Variants in PCLO observed in about 807,000 individuals in gnomAD.
PCLO encodes protein piccolo.
In PCLO, 82 loss-of-function variants were observed where a neutral mutation model predicts 427.5. The ratio of observed to expected loss-of-function variants is 0.19; its 90% CI spans 0.16 to 0.23. PCLO has a LOEUF of 0.23. Ranked by LOEUF, PCLO falls within the 10% of genes least tolerant of loss-of-function variation. The pLI, the probability that PCLO is intolerant of heterozygous loss-of-function variation, is 1.00. For missense variants in PCLO, 6,239 were observed against 6,115.9 expected (o/e 1.02, Z -0.67); for synonymous variants, 2,357 against 2,155.4 (o/e 1.09, Z -2.59).
At chr7:82,962,543 T>TC (rs1235451153) in intron 4 of PCLO, among the ~76,000 whole-genome samples, 1 of 152,046 alleles carries the variant, frequency 6.6e-6, no homozygotes, top group Admixed American at 6.6e-5. Context: ...CTTTACATAC[T>TC]CAGTTCATAA....
rs767113612 is a variant in PCLO at position 82,822,699 on chromosome 7, A to G, written c.14597-10T>C. On this transcript the variant is annotated splice_polypyrimidine_tract_variant and intron_variant, in intron 19 of 24. Coordinates refer to ENST00000333891, the MANE Select transcript of PCLO (RefSeq NM_033026.6). ...GTGGGAACCTGCATGTCTGGTCACA[A>G]AAGGGTAAAACATGAGTTAAAGTTG... is the stretch of plus-strand genomic sequence containing the variant. 6.2e-7 allele frequency: 1 copy of G among 1,611,082 alleles called. No homozygotes were observed. The highest frequency in any genetic ancestry group is 8.5e-7 in the Non-Finnish European group (1 of 1,179,068).
intron 9 of PCLO, among the ~76,000 whole-genome samples, chr7:82,886,037 G>T (rs139626493): frequency 2.7e-4 from 41 of 152,230 alleles, no homozygotes; most frequent in African/African-American, 9.6e-4. Context: ...AGAGAAGAGT[G>T]ATGGGAGAAG....
chr7:83,044,491 A>T (rs1432673006), intron 3 of PCLO, among the ~76,000 whole-genome samples: 1 of 152,176 alleles, frequency 6.6e-6, no homozygotes, highest in African/African-American at 2.4e-5. Context: ...ATTTAACAAG[A>T]ATTATTAAGT....
intron 2 of PCLO, among the ~76,000 whole-genome samples, chr7:83,149,793 A>G (rs1437455459): frequency 6.6e-6 from 1 of 152,232 alleles, no homozygotes; most frequent in Non-Finnish European, 1.5e-5. Context: ...TGGGCAGTTA[A>G]GCCATTTAAC....
At chr7:83,093,245 TTG>T (rs1665961564) in intron 3 of PCLO, among the ~76,000 whole-genome samples, 1 of 151,602 alleles carries the variant, frequency 6.6e-6, no homozygotes, top group Admixed American at 6.6e-5. Flanking sequence ...TCAATAAATG[TTG>T]TCTTAATGTA....
At chr7:82,774,691 A>G (rs1790713266) in intron 22 of PCLO, among the ~76,000 whole-genome samples, 1 of 152,166 alleles carries the variant, frequency 6.6e-6, no homozygotes, top group African/African-American at 2.4e-5. Context: ...CATTATAAAC[A>G]CTTTCCACCA....
At chr7:83,042,955 A>G (rs1369380870) in intron 3 of PCLO, among the ~76,000 whole-genome samples, 3 of 152,168 alleles carry the variant, frequency 2.0e-5, no homozygotes, top group Non-Finnish European at 2.9e-5. Context: ...CTGCCTCTCA[A>G]TGTTGTATTC....
At chr7:83,110,470 T>C (rs2116521037) in intron 3 of PCLO, among the ~76,000 whole-genome samples, 1 of 152,234 alleles carries the variant, frequency 6.6e-6, no homozygotes, top group Middle Eastern at 3.4e-3. Context: ...AATCGCTCAA[T>C]ATGCCATGTT....
Position 82,916,456 on chromosome 7 carries a change from G to A in PCLO, c.11530C>T (p.Pro3844Ser), listed in dbSNP as rs763837474. 7 of 1,613,724 alleles carry A rather than the reference G, an allele frequency of 4.3e-6. No individual in the cohort carries two copies. Among genetic ancestry groups the A allele is most frequent in the Non-Finnish European group, 5.9e-6 (7 of 1,179,778 alleles). ...CCATGCTGACTTTCTATTCGGGTTG[G>A]TCTTGTGCTACTCACTTCACTGTCA... Reference protein sequence around the residue: ...MSDSEVSSTRPTRIESQHGIE... With the variant: ...MSDSEVSSTRSTRIESQHGIE... Residue 3844 changes from proline (P) to serine (S), a missense_variant, in exon 7 of 25, where the codon CCA (proline) becomes TCA (serine). Physicochemically the swap from Pro to Ser is moderately conservative, Grantham distance 74. This residue lies in a region of PCLO where 680 missense variants were observed against 677.3 expected (regional missense o/e 1.00). Transcript: ENST00000333891.
chr7:82,993,673 AC>A (rs1796431156), intron 3 of PCLO, among the ~76,000 whole-genome samples: 1 of 152,106 alleles, frequency 6.6e-6, no homozygotes, highest in East Asian at 1.9e-4. Context: ...TGTAAACATA[AC>A]TTTTATATGC....
At chr7:82,835,161 G>A (rs1792200361) in intron 16 of PCLO, among the ~76,000 whole-genome samples, 1 of 151,968 alleles carries the variant, frequency 6.6e-6, no homozygotes, top group Admixed American at 6.6e-5. Flanking sequence ...AGCTAGGATG[G>A]TCTCGATCTC....
At chr7:83,117,419 C>T (rs1428168419) in intron 3 of PCLO, among the ~76,000 whole-genome samples, 6 of 152,196 alleles carry the variant, frequency 3.9e-5, no homozygotes. Context: ...AGAAACAGTT[C>T]ATAATATAAT....
intron 3 of PCLO, among the ~76,000 whole-genome samples, chr7:83,014,627 A>G (rs1366631583): frequency 6.6e-6 from 1 of 152,084 alleles, no homozygotes; most frequent in Non-Finnish European, 1.5e-5. Flanking sequence ...CAAAGTCACA[A>G]AATTAGCACT....
intron 3 of PCLO, among the ~76,000 whole-genome samples, chr7:83,082,116 T>TACACAC (rs144592853): frequency 2.0e-5 from 3 of 148,888 alleles, no homozygotes; most frequent in African/African-American, 7.3e-5. Context: ...TCCTATACTA[T>TACACAC]ACACACACAC....
intron 3 of PCLO, among the ~76,000 whole-genome samples, chr7:83,063,396 A>G (rs1173743215): frequency 1.3e-5 from 2 of 151,986 alleles, no homozygotes. Flanking sequence ...GTGATTTTTG[A>G]CTTAACAATG....
rs1288413023 is a variant in PCLO, at chr7:82,754,014, A to T, written c.*4561T>A. On this transcript the variant is annotated 3_prime_UTR_variant, in exon 25 of 25. Transcript: ENST00000333891. ...TGATAAACACAAGAAGTCAAAGGTG[A>T]TATTTTCAGTATTTATTAGTAAGGC... 6.6e-6 allele frequency: 1 copy of T among 152,198 alleles called. No homozygotes were observed. The highest frequency in any genetic ancestry group is 2.4e-5 in the African/African-American group (1 of 41,456). The allele number at this position is 152,198 out of a possible 1,614,324, so 9.4% of individuals were successfully genotyped here.
At chr7:83,047,308 T>G (rs536730422) in intron 3 of PCLO, among the ~76,000 whole-genome samples, 97 of 151,984 alleles carry the variant, frequency 6.4e-4, no homozygotes, top group Non-Finnish European at 1.2e-3. Context: ...TGTACAGGCA[T>G]GACATTTTTT....
In PCLO at chr7:83,162,632, G is replaced by A. The variant is rs1290608739; in HGVS notation, c.-40C>T. The A allele has an allele frequency of 2.7e-6, 4 of 1,497,406 alleles. No individual in the cohort carries two copies. The highest frequency in any genetic ancestry group is 2.5e-5 in the East Asian group (1 of 40,510). 92.8% of individuals were successfully genotyped at this position (1,497,406 alleles called of 1,614,324 possible). A position where few individuals can be genotyped will look rare whatever the true frequency, so the allele number is the denominator to read the frequency against. ...CGGGGCCGCCGCGCTCCCTCCTCGC[G>A]CCGCGTCCCAGTCGAGAAGCCCGCG... On this transcript the variant is annotated 5_prime_UTR_variant, in exon 1 of 25. Transcript: ENST00000333891.
intron 7 of PCLO, among the ~76,000 whole-genome samples, chr7:82,910,048 TTA>T (rs1794285954): frequency 6.6e-6 from 1 of 152,134 alleles, no homozygotes; most frequent in Non-Finnish European, 1.5e-5. Flanking sequence ...ATAAATTGTT[TTA>T]GTCTTTGTAA....
Sources: allele counts gnomAD v4.1 joint callset (sites outside exome capture counted in the v4.1 genomes callset), GRCh38; gene constraint gnomAD v4.1.1; regional missense constraint gnomAD v4.1.1; transcripts MANE v1.5; gene names NCBI Gene and HGNC (gene_info 2026-07-23, HGNC 2026-07-21).